Variants in PLCG2 observed in about 807,000 individuals in gnomAD.
PLCG2 encodes the protein phospholipase C gamma 2.
PLCG2 carries 69 observed loss-of-function variants against 175.6 expected under a neutral mutation model. That is an observed-to-expected ratio of 0.39 (90% CI 0.32 to 0.48). The LOEUF (loss-of-function observed/expected upper bound fraction) is 0.48. PLCG2 is among the 20% of genes least tolerant of loss of function. The pLI, the probability that PLCG2 is intolerant of heterozygous loss-of-function variation, is 0.91. For missense variants in PLCG2, 1,798 were observed against 1,650.9 expected, an observed-to-expected ratio of 1.09 and a Z score of -1.54; for synonymous variants, 827 against 624.0, an observed-to-expected ratio of 1.33 and a Z score of -4.85.
At chr16:81,836,763 C>T (rs543354244) in intron 2 of PLCG2, among the ~76,000 whole-genome samples, 35 of 152,192 alleles carry the variant, frequency 2.3e-4, no homozygotes, top group Non-Finnish European at 4.7e-4. Flanking sequence ...AACTTTGGAG[C>T]CTGGCCATTC....
At chr16:81,817,620 G>A (rs956210938) in intron 2 of PLCG2, among the ~76,000 whole-genome samples, 3 of 152,162 alleles carry the variant, frequency 2.0e-5, no homozygotes, top group African/African-American at 7.2e-5. Context: ...ACATCAGAGG[G>A]TACCTTGTGA....
At chr16:81,914,792 G>C (rs1158743531) in intron 19 of PLCG2, among the ~76,000 whole-genome samples, 1 of 152,270 alleles carries the variant, frequency 6.6e-6, no homozygotes, top group East Asian at 1.9e-4. Context: ...TTGGTGGTTG[G>C]TGAATGCTGG....
At chr16:81,837,684 GT>G (rs1218961131) in intron 2 of PLCG2, among the ~76,000 whole-genome samples, 4,134 of 126,102 alleles carry the variant, frequency 0.033, 57 homozygotes, top group Middle Eastern at 0.071. Flanking sequence ...ACCAACATGT[GT>G]TTTTTTTTTT....
intron 7 of PLCG2, among the ~76,000 whole-genome samples, chr16:81,877,337 T>A (rs1268256209): frequency 6.6e-6 from 1 of 151,848 alleles, no homozygotes; most frequent in Non-Finnish European, 1.5e-5. Flanking sequence ...GTGCCTGTAG[T>A]CCCAGCTACT....
chr16:81,746,675 C>G (rs1227218802), intron 1 of PLCG2, among the ~76,000 whole-genome samples: 1 of 152,198 alleles, frequency 6.6e-6, no homozygotes, highest in Admixed American at 6.5e-5. Flanking sequence ...GATTATTTCT[C>G]CGTCGAACTT....
At chr16:81,839,986 G>C (rs546031906) in intron 2 of PLCG2, among the ~76,000 whole-genome samples, 1 of 152,240 alleles carries the variant, frequency 6.6e-6, no homozygotes, top group African/African-American at 2.4e-5. Context: ...GAGCCTACGA[G>C]TTCAAGGATG....
chr16:81,896,875 G>A (rs1410673931), intron 13 of PLCG2, among the ~76,000 whole-genome samples: 2 of 152,156 alleles, frequency 1.3e-5, no homozygotes, highest in Non-Finnish European at 2.9e-5. Flanking sequence ...GGGTTAAATG[G>A]GTGAGAACAT....
At chr16:81,742,429 C>A (rs1597299953) in intron 1 of PLCG2, among the ~76,000 whole-genome samples, 1 of 152,154 alleles carries the variant, frequency 6.6e-6, no homozygotes, top group East Asian at 1.9e-4. Context: ...TGACTGCCAT[C>A]TTCCATCCTA....
At chr16:81,907,302 G>C (rs888414552) in intron 15 of PLCG2, among the ~76,000 whole-genome samples, 13 of 148,542 alleles carry the variant, frequency 8.8e-5, no homozygotes, top group Non-Finnish European at 1.8e-4. Context: ...AATTTCATCG[G>C]GGGAAAAAAA....
At chr16:81,921,468 A>G in intron 21 of PLCG2, 199 bp downstream of exon 21, 3 of 622,802 alleles carry the variant, frequency 4.8e-6, no homozygotes, top group South Asian at 1.7e-5. Flanking sequence ...ATAGAATTCC[A>G]TCCAAATGCA....
chr16:81,901,499 T>C (rs556899688), intron 14 of PLCG2, among the ~76,000 whole-genome samples: 7 of 152,286 alleles, frequency 4.6e-5, no homozygotes, highest in African/African-American at 1.7e-4. Flanking sequence ...TGCTCTAGCA[T>C]CTCTCAGGGC....
chr16:81,765,269 G>C lies in PLCG2; in HGVS notation c.-48+9303G>C, dbSNP rs116322606. Among the ~76,000 whole-genome samples, 1,105 of 151,872 alleles carry C rather than the reference G, an allele frequency of 7.3e-3. 19 individuals are homozygous for C. Among genetic ancestry groups the C allele is most frequent in the African/African-American group, 0.025 (1,043 of 41,116 alleles). ...CATCTGCAAACCAGAACACACAAAA[G>C]ATTCCCAGCAACCACCCAAAGCTTG... On this transcript the variant is annotated intron_variant, in intron 2 of 5. Transcript: ENST00000565054.
At chr16:81,871,538 G>A (rs4997775) in intron 7 of PLCG2, among the ~76,000 whole-genome samples, 83,054 of 151,798 alleles carry the variant, frequency 0.55, 23,464 homozygotes, top group Middle Eastern at 0.63. Context: ...GGGTTTTGCC[G>A]CATTGGGTGG....
chr16:81,778,802 A>G (rs4496135), upstream of PLCG2, among the ~76,000 whole-genome samples: 84,667 of 151,622 alleles, frequency 0.56, 24,004 homozygotes, highest in South Asian at 0.75. Flanking sequence ...TGAAGAGTAT[A>G]TTTATTTTTA....
chr16:81,750,296 C>T (rs964889243), intron 1 of PLCG2, among the ~76,000 whole-genome samples: 8 of 151,684 alleles, frequency 5.3e-5, no homozygotes, highest in East Asian at 1.9e-4. Flanking sequence ...GGCGGGCATC[C>T]GTAATCCTAG....
chr16:81,849,136 C>T lies in PLCG2; in HGVS notation c.194-5308C>T, dbSNP rs146357769. Among the ~76,000 whole-genome samples the T allele has an allele frequency of 6.2e-3, 938 of 152,188 alleles. 6 individuals carry two copies. The highest frequency in any genetic ancestry group is 0.011 in the Non-Finnish European group (736 of 68,018). On this transcript the variant is annotated intron_variant, in intron 2 of 32. Coordinates refer to ENST00000564138, the MANE Select transcript of PLCG2 (RefSeq NM_002661.5). The stretch of plus-strand genomic sequence containing the variant: ...TCATCACAGGGCTGTGGTTCTTAGT[C>T]CTTACAGCAATGGGACGTCACGGGA...
chr16:81,813,668 G>C (rs1597333320), intron 2 of PLCG2, among the ~76,000 whole-genome samples: 1 of 152,230 alleles, frequency 6.6e-6, no homozygotes. Flanking sequence ...CTCACTTGGT[G>C]TTGCCTGGAG....
chr16:81,828,933 CAGG>C (rs1259060568), intron 2 of PLCG2, among the ~76,000 whole-genome samples: 2 of 152,114 alleles, frequency 1.3e-5, no homozygotes, highest in Non-Finnish European at 2.9e-5. Flanking sequence ...TCTGATTTTA[CAGG>C]AGATCACAGA....
chr16:81,882,537 C>T (rs1048361742), intron 8 of PLCG2, among the ~76,000 whole-genome samples: 1 of 152,032 alleles, frequency 6.6e-6, no homozygotes, highest in African/African-American at 2.4e-5. Context: ...GGTGGTGTGT[C>T]GAGCCCTGTC....
Sources: allele counts gnomAD v4.1 joint callset (sites outside exome capture counted in the v4.1 genomes callset), GRCh38; gene constraint gnomAD v4.1.1; transcripts MANE v1.5; gene names NCBI Gene and HGNC (gene_info 2026-07-23, HGNC 2026-07-21).